PLEKHM1: variants seen among roughly 807,000 people sequenced by gnomAD.
The protein encoded by PLEKHM1 is pleckstrin homology and RUN domain containing M1, also known as pleckstrin homology domain-containing family M member 1.
A neutral mutation model predicts 94.3 loss-of-function variants in PLEKHM1; 28 were observed. The ratio of observed to expected loss-of-function variants is 0.30; its 90% CI spans 0.22 to 0.41. The LOEUF (loss-of-function observed/expected upper bound fraction) is 0.41, where lower values mean the gene tolerates loss of function less well. PLEKHM1 is among the 10% of genes least tolerant of loss of function. PLEKHM1 has a pLI of 1.00. For missense variants in PLEKHM1, 907 were observed against 1,358.6 expected, an observed-to-expected ratio of 0.67 and a Z score of 5.22; for synonymous variants, 424 against 581.2, an observed-to-expected ratio of 0.73 and a Z score of 3.89.
chr17:45,437,376 C>T lies in PLEKHM1; in HGVS notation c.*482G>A, dbSNP rs1297647729. 2.2e-6 allele frequency: 1 copy of T among 454,180 alleles called. No homozygotes were observed. The highest frequency in any genetic ancestry group is 4.4e-6 in the Non-Finnish European group (1 of 226,920). The allele number at this position is 454,180 out of a possible 1,614,324, so 28.1% of individuals were successfully genotyped here. On this transcript the variant is annotated 3_prime_UTR_variant, in exon 12 of 12. Coordinates refer to ENST00000430334, the MANE Select transcript of PLEKHM1 (RefSeq NM_014798.3). This position sits in a 1 kb window ranked among gnomAD's most constrained non-coding sequence, Gnocchi z 4.0. ...GGCCTGAGTGGCTCCTGTGCATCCG[C>T]TGGGGGTGAGAATGTCTGGATTTCA... is the stretch of plus-strand genomic sequence containing the variant.
intron 11 of PLEKHM1, 61 bp from the exon 12 acceptor site, chr17:45,438,030 G>T: frequency 1.6e-6 from 2 of 1,287,724 alleles, no homozygotes; most frequent in South Asian, 1.2e-5. Context: ...CTGTGGCCAC[G>T]CTGGCCAGCC....
intron 4 of PLEKHM1, among the ~76,000 whole-genome samples, chr17:45,470,672 T>A (rs1162704238): frequency 9.6e-6 from 1 of 104,552 alleles, no homozygotes; most frequent in Non-Finnish European, 2.0e-5. Context: ...TTTTTTTTTT[T>A]ATTTGAGACT....
At chr17:45,441,246 C>T (rs2050437268) in intron 9 of PLEKHM1, among the ~76,000 whole-genome samples, 1 of 152,158 alleles carries the variant, frequency 6.6e-6, no homozygotes, top group African/African-American at 2.4e-5. Flanking sequence ...AGGATGGTGC[C>T]AGCCCTGGGT....
chr17:45,490,605 C>T (rs887179353), intron 1 of PLEKHM1, 47 bp downstream of exon 1: 6 of 427,284 alleles, frequency 1.4e-5, no homozygotes, highest in African/African-American at 1.2e-4. Context: ...CGCCTCGGCC[C>T]TCCCACCACT....
chr17:45,456,093 C>CT (rs1281676432), intron 6 of PLEKHM1, among the ~76,000 whole-genome samples: 1 of 152,192 alleles, frequency 6.6e-6, no homozygotes, highest in Non-Finnish European at 1.5e-5. Flanking sequence ...CCTCTCTCCC[C>CT]TTGCATCTCC....
At chr17:45,455,779 C>T (rs947188688) in intron 6 of PLEKHM1, among the ~76,000 whole-genome samples, 3 of 152,200 alleles carry the variant, frequency 2.0e-5, no homozygotes, top group Admixed American at 2.0e-4. Flanking sequence ...TGGTCTTTCT[C>T]CCCTTCTCCC....
At chr17:45,461,814 A>G (rs1366620951) in intron 5 of PLEKHM1, among the ~76,000 whole-genome samples, 2 of 152,062 alleles carry the variant, frequency 1.3e-5, no homozygotes, top group Non-Finnish European at 2.9e-5. Flanking sequence ...GCTGGGGAAG[A>G]TGGGGTTGCG....
At chr17:45,474,888 G>C (rs558990850) in intron 4 of PLEKHM1, among the ~76,000 whole-genome samples, 66 of 152,266 alleles carry the variant, frequency 4.3e-4, no homozygotes, top group African/African-American at 1.6e-3. Flanking sequence ...GCTCTAAGCT[G>C]TTCTAAGTCC....
chr17:45,486,240 A>ATAAT lies in PLEKHM1; in HGVS notation c.-41-3716_-41-3715insATTA, dbSNP rs1555588808. On this transcript the variant is annotated intron_variant, in intron 1 of 11. Coordinates refer to ENST00000430334, the MANE Select transcript of PLEKHM1 (RefSeq NM_014798.3). ...TCAAAAAAAAAAAGATAAAATAAAA[A>ATAAT]AATAATAATAATAATAATAATTTAT... Among the ~76,000 whole-genome samples, 841 of 142,860 alleles carry ATAAT rather than the reference A, an allele frequency of 5.9e-3. 7 individuals are homozygous for ATAAT. Among genetic ancestry groups the ATAAT allele is most frequent in the Non-Finnish European group, 9.5e-3 (616 of 64,834 alleles). 93.7% of individuals were successfully genotyped at this position (142,860 alleles called of 152,430 possible).
At chr17:45,471,699 T>C (rs1002364043) in intron 4 of PLEKHM1, among the ~76,000 whole-genome samples, 1 of 152,132 alleles carries the variant, frequency 6.6e-6, no homozygotes, top group African/African-American at 2.4e-5. Flanking sequence ...GAGGTTGCAG[T>C]GAGCCGAGAT....
chr17:45,473,562 TA>T (rs1286040470), intron 4 of PLEKHM1, among the ~76,000 whole-genome samples: 2 of 149,364 alleles, frequency 1.3e-5, no homozygotes, highest in Admixed American at 6.8e-5. Flanking sequence ...AAAAATCTTT[TA>T]TTTTTTTTTT....
chr17:45,442,188 G>C (rs1053148715), intron 9 of PLEKHM1, among the ~76,000 whole-genome samples: 1 of 152,142 alleles, frequency 6.6e-6, no homozygotes, highest in Non-Finnish European at 1.5e-5. Flanking sequence ...GTCTGCCGGA[G>C]AGAACCCTGC....
At chr17:45,489,783 A>T (rs907640435) in intron 1 of PLEKHM1, among the ~76,000 whole-genome samples, 1 of 152,148 alleles carries the variant, frequency 6.6e-6, no homozygotes. Flanking sequence ...GCGACTCTGC[A>T]CTAAGTTCTC....
At chr17:45,483,443 T>TGGGGC (rs1208785048) in intron 1 of PLEKHM1, among the ~76,000 whole-genome samples, 2 of 29,156 alleles carry the variant, frequency 6.9e-5, no homozygotes, top group Non-Finnish European at 1.4e-4. Flanking sequence ...TGGGGTGGGG[T>TGGGGC]GGGGCGGGTG....
In PLEKHM1 at chr17:45,445,917, C is replaced by A. The variant is rs2050592815; in HGVS notation, c.2644-254G>T. Reference sequence around the variant, plus strand: ...CTAATGACAAGGGTCACTGCCCCCTCCCCAATCATGCTGAGATGAGGGAGG... The same window carrying A: ...CTAATGACAAGGGTCACTGCCCCCTACCCAATCATGCTGAGATGAGGGAGG... On this transcript the variant is annotated intron_variant, in intron 8 of 11. Transcript: ENST00000430334. This position sits in a 1 kb window ranked among gnomAD's most constrained non-coding sequence, Gnocchi z 4.2. 6.6e-6 allele frequency among the ~76,000 whole-genome samples: 1 copy of A among 152,246 alleles called. No homozygotes were observed. Among genetic ancestry groups the A allele is most frequent in the South Asian group, 2.1e-4 (1 of 4,822 alleles).
chr17:45,466,747 T>C (rs2051332454), intron 5 of PLEKHM1, among the ~76,000 whole-genome samples: 1 of 152,132 alleles, frequency 6.6e-6, no homozygotes, highest in African/African-American at 2.4e-5. Context: ...TTGGCCAGGA[T>C]AAAGAGCAAC....
chr17:45,458,775 G>GTT (rs58499497), intron 5 of PLEKHM1, among the ~76,000 whole-genome samples: 10 of 142,626 alleles, frequency 7.0e-5, no homozygotes, highest in Admixed American at 1.4e-4. Flanking sequence ...CCAGCCTGAA[G>GTT]TTTTTTTTTT....
At chr17:45,456,917 C>T (rs1043916323) in intron 6 of PLEKHM1, among the ~76,000 whole-genome samples, 6 of 152,196 alleles carry the variant, frequency 3.9e-5, no homozygotes, top group African/African-American at 1.4e-4. Flanking sequence ...CATAGTGGCT[C>T]ACACCTGTAA....
rs778518312 is a variant in PLEKHM1, at chr17:45,454,087, G to A, written c.1765C>T (p.His589Tyr). 9.9e-6 allele frequency: 16 copies of A among 1,614,100 alleles called. No homozygotes were observed. In the African/African-American group the frequency reaches 1.9e-4, roughly 19 times the overall value. The stretch of plus-strand genomic sequence containing the variant: ...ACCAGCTCAAAGCGCCCATCACTAT[G>A]GGCTGGCCCCACAGACTCACAGCGA... ...LLRCESVGPAHSDGRFELVFS... is the reference protein window; with the variant it reads ...LLRCESVGPAYSDGRFELVFS... Residue 589 changes from histidine to tyrosine, a missense_variant, in exon 7 of 12, where the codon CAT becomes TAT. This residue lies in a region of PLEKHM1 where 477 missense variants were observed against 601.5 expected (regional missense o/e 0.79). Transcript: ENST00000430334.
Sources: gnomAD v4.1 joint callset for allele counts (sites outside exome capture counted in the v4.1 genomes callset) on GRCh38, gnomAD v4.1.1 for gene constraint, gnomAD v4.1.1 regional missense constraint, Gnocchi (gnomAD v3.1) non-coding constraint, MANE v1.5 for transcripts, NCBI Gene and HGNC (gene_info 2026-07-23, HGNC 2026-07-21) for gene names.